The following SLC35F1 variants were observed in gnomAD, a reference collection of about 807,000 sequenced individuals.
SLC35F1 encodes solute carrier family 35 member F1, also known as chromosome 6 open reading frame 169.
Under a neutral mutation model 48.7 loss-of-function variants are expected in SLC35F1, and 14 were observed. The ratio of observed to expected loss-of-function variants is 0.29; its 90% CI spans 0.19 to 0.45. The LOEUF (loss-of-function observed/expected upper bound fraction) is 0.45. Among genes scored for constraint, SLC35F1 ranks in the 20% least tolerant of loss-of-function variants. SLC35F1 has a pLI of 1.00. For missense variants in SLC35F1, 404 were observed against 500.0 expected (o/e 0.81, Z 1.83); for synonymous variants, 190 against 202.2 (o/e 0.94, Z 0.51).
At position 118,061,586 on chromosome 6, in the gene SLC35F1, G is replaced by GTATATA. The variant is rs780630752; in HGVS notation, c.174-92858_174-92857insATATAT. On this transcript the variant is annotated intron_variant, in intron 1 of 7. Coordinates refer to ENST00000360388, the MANE Select transcript of SLC35F1 (RefSeq NM_001029858.4). ...TATATATACATTTGTGTGTGTGTGT[G>GTATATA]TGTGTATATATATATATATGTTTGG... 9.4e-3 allele frequency among the ~76,000 whole-genome samples: 1,359 copies of GTATATA among 145,298 alleles called. 17 individuals are homozygous for GTATATA. The highest frequency in any genetic ancestry group is 0.023 in the African/African-American group (915 of 39,018).
At chr6:117,934,685 T>A (rs9374690) in intron 1 of SLC35F1, among the ~76,000 whole-genome samples, 2 of 152,006 alleles carry the variant, frequency 1.3e-5, no homozygotes, top group African/African-American at 4.8e-5. Flanking sequence ...TATTTAATGG[T>A]TTCATATAAA....
chr6:118,226,726 G>A (rs1474622833), intron 2 of SLC35F1, among the ~76,000 whole-genome samples: 1 of 152,112 alleles, frequency 6.6e-6, no homozygotes, highest in Non-Finnish European at 1.5e-5. Flanking sequence ...GAGTGGTAGG[G>A]GATGAGGTGA....
chr6:117,996,105 G>A (rs952406088), intron 1 of SLC35F1, among the ~76,000 whole-genome samples: 4 of 152,016 alleles, frequency 2.6e-5, no homozygotes, highest in African/African-American at 7.3e-5. Context: ...ATAAATAATT[G>A]TCTATTTAAT....
In SLC35F1 at chr6:118,118,588, C is replaced by A. The variant is rs1410763295; in HGVS notation, c.174-35857C>A. On this transcript the variant is annotated intron_variant, in intron 1 of 7. Coordinates refer to ENST00000360388, the MANE Select transcript of SLC35F1 (RefSeq NM_001029858.4). ...ACAGCATCTTTTCACATGCTTCATG[C>A]CCATTTGTATATTTTGTGAGACATC... Among the ~76,000 whole-genome samples the A allele has an allele frequency of 2.6e-5, 4 of 152,204 alleles. 1 individual carries two copies. The highest frequency in any genetic ancestry group is 2.6e-4 in the Admixed American group (4 of 15,282).
In SLC35F1 at chr6:118,126,205, C is replaced by G. The variant is rs568110310; in HGVS notation, c.174-28240C>G. Reference sequence around the variant, plus strand: ...CAATAAAGGAAAGATACAAACAGTGCTCTCCTTAGAGGCTTTTGTTAGGAT... The same window carrying G: ...CAATAAAGGAAAGATACAAACAGTGGTCTCCTTAGAGGCTTTTGTTAGGAT... On this transcript the variant is annotated intron_variant, in intron 1 of 7. Coordinates refer to ENST00000360388, the MANE Select transcript of SLC35F1 (RefSeq NM_001029858.4). Among the ~76,000 whole-genome samples, 18 of 152,272 alleles carry G rather than the reference C, an allele frequency of 1.2e-4. No individual in the cohort carries two copies. The South Asian group carries it at 3.7e-3, about 32-fold the overall frequency.
At chr6:118,216,385 C>G (rs535855231) in intron 2 of SLC35F1, among the ~76,000 whole-genome samples, 2 of 150,198 alleles carry the variant, frequency 1.3e-5, no homozygotes, top group South Asian at 4.2e-4. Flanking sequence ...CTTTAGAATT[C>G]TTATTTTATA....
At chr6:118,128,440 A>T (rs1773661176) in intron 1 of SLC35F1, among the ~76,000 whole-genome samples, 1 of 151,004 alleles carries the variant, frequency 6.6e-6, no homozygotes, top group African/African-American at 2.4e-5. Context: ...GACTGGATTA[A>T]GAAAATGTGA....
intron 1 of SLC35F1, among the ~76,000 whole-genome samples, chr6:118,049,616 GCTCA>G (rs1772355314): frequency 6.6e-6 from 1 of 150,968 alleles, no homozygotes; most frequent in Non-Finnish European, 1.5e-5. Context: ...ATGAAAAAAT[GCTCA>G]CTATCACTGG....
intron 7 of SLC35F1, among the ~76,000 whole-genome samples, chr6:118,309,195 G>A (rs1776345369): frequency 6.6e-6 from 1 of 151,364 alleles, no homozygotes. Context: ...GTGTGTGTGT[G>A]TGTGTGTGCG....
intron 1 of SLC35F1, among the ~76,000 whole-genome samples, chr6:118,026,748 A>T (rs1418662517): frequency 6.6e-6 from 1 of 152,176 alleles, no homozygotes; most frequent in Non-Finnish European, 1.5e-5. Context: ...GGGATGAAAA[A>T]ACTAAAAGAT....
intron 2 of SLC35F1, 131 bp from the exon 3 acceptor site, chr6:118,235,378 T>A: frequency 1.1e-6 from 1 of 926,428 alleles, no homozygotes; most frequent in East Asian, 2.8e-5. Flanking sequence ...ATACGTTGAT[T>A]TATTTGTTTA....
At chr6:118,108,842 A>G (rs184734250) in intron 1 of SLC35F1, among the ~76,000 whole-genome samples, 1 of 152,152 alleles carries the variant, frequency 6.6e-6, no homozygotes, top group Admixed American at 6.6e-5. Flanking sequence ...TTTTATGGGT[A>G]TGTTATTTTC....
intron 1 of SLC35F1, chr6:117,999,261 A>C (rs565116419): frequency 6.3e-7 from 1 of 1,596,090 alleles, no homozygotes; most frequent in South Asian, 1.1e-5. Context: ...CTCGATCGAC[A>C]TGCCTACGTT....
intron 1 of SLC35F1, among the ~76,000 whole-genome samples, chr6:118,024,457 T>C (rs973021645): frequency 3.3e-5 from 5 of 152,186 alleles, no homozygotes; most frequent in African/African-American, 1.2e-4. Context: ...GAAGGATGGT[T>C]GTGAAAATTA....
At chr6:118,018,508 A>G (rs1007001313) in intron 1 of SLC35F1, among the ~76,000 whole-genome samples, 6 of 152,124 alleles carry the variant, frequency 3.9e-5, no homozygotes, top group African/African-American at 2.4e-5. Context: ...TTGGCAAATT[A>G]TGTACATCTT....
At chr6:118,109,907 T>C (rs996554418) in intron 1 of SLC35F1, among the ~76,000 whole-genome samples, 1 of 152,188 alleles carries the variant, frequency 6.6e-6, no homozygotes, top group East Asian at 1.9e-4. Flanking sequence ...GCATAATTAT[T>C]AAGGGCTTTC....
intron 1 of SLC35F1, among the ~76,000 whole-genome samples, chr6:118,057,592 G>A (rs936319950): frequency 1.2e-4 from 19 of 152,284 alleles, no homozygotes; most frequent in African/African-American, 4.6e-4. Context: ...AAACGCTATT[G>A]TCTTAGTCTT....
rs530716256 is a variant in SLC35F1, at chr6:117,977,977, G to A, written c.173+70078G>A. ...AAATTATTTTTATGTTAATTTGGGA[G>A]TAGATTTAGTTTTTACTTGAATTTT... is the stretch of plus-strand genomic sequence containing the variant. On this transcript the variant is annotated intron_variant, in intron 1 of 7. Transcript: ENST00000360388. 4.6e-5 allele frequency among the ~76,000 whole-genome samples: 7 copies of A among 152,220 alleles called. No homozygotes were observed. In the South Asian group the frequency reaches 1.5e-3, roughly 32 times the overall value.
chr6:117,929,416 A>G (rs1183919733), intron 1 of SLC35F1, among the ~76,000 whole-genome samples: 1 of 151,578 alleles, frequency 6.6e-6, no homozygotes, highest in Non-Finnish European at 1.5e-5. Flanking sequence ...ATATGTAAGT[A>G]TAATATATTC....
Sources: gnomAD v4.1 joint callset for allele counts (sites outside exome capture counted in the v4.1 genomes callset) on GRCh38, gnomAD v4.1.1 for gene constraint, MANE v1.5 for transcripts, NCBI Gene and HGNC (gene_info 2026-07-23, HGNC 2026-07-21) for gene names.